WWOX: variants seen among roughly 807,000 people sequenced by gnomAD.
WWOX encodes WW domain containing oxidoreductase.
Under a neutral mutation model 46.2 loss-of-function variants are expected in WWOX, and 69 were observed. The observed-to-expected ratio is 1.49, with a 90% CI of 1.23 to 1.82. The LOEUF (loss-of-function observed/expected upper bound fraction) is 1.82. WWOX is among the 40% of genes most tolerant of loss of function. WWOX has a pLI of 0.00. For synonymous variants in WWOX, 359 were observed against 202.6 expected (o/e 1.77, Z -6.56); for missense variants, 919 against 542.6 (o/e 1.69, Z -6.89).
intron 8 of WWOX, among the ~76,000 whole-genome samples, chr16:79,010,167 GTGTT>G (rs2047275005): frequency 6.6e-6 from 1 of 152,218 alleles, no homozygotes; most frequent in African/African-American, 2.4e-5. Context: ...CATGAAACAA[GTGTT>G]TATTTACAAG....
At chr16:79,010,583 G>C (rs893606736) in intron 8 of WWOX, among the ~76,000 whole-genome samples, 1 of 152,106 alleles carries the variant, frequency 6.6e-6, no homozygotes, top group Non-Finnish European at 1.5e-5. Flanking sequence ...ATAAATATAT[G>C]ATAAATAACA....
At chr16:78,688,043 T>A (rs945996160) in intron 8 of WWOX, among the ~76,000 whole-genome samples, 1 of 152,172 alleles carries the variant, frequency 6.6e-6, no homozygotes, top group Non-Finnish European at 1.5e-5. Context: ...AGTAAATAAT[T>A]TTTGAAATCT....
At chr16:78,653,884 A>G (rs1483806091) in intron 8 of WWOX, among the ~76,000 whole-genome samples, 1 of 152,236 alleles carries the variant, frequency 6.6e-6, no homozygotes, top group Admixed American at 6.5e-5. Context: ...GTTGTCTATT[A>G]CATGCAGCAG....
intron 8 of WWOX, among the ~76,000 whole-genome samples, chr16:78,822,709 C>T (rs1457932693): frequency 2.0e-5 from 3 of 152,060 alleles, no homozygotes; most frequent in Admixed American, 2.0e-4. Flanking sequence ...TATGCAACAT[C>T]ATCATTGTTG....
chr16:78,238,661 C>G (rs1230212299), intron 5 of WWOX, among the ~76,000 whole-genome samples: 1 of 151,994 alleles, frequency 6.6e-6, no homozygotes, highest in Non-Finnish European at 1.5e-5. Context: ...CTCTTGTTGC[C>G]CAGGCTGGAG....
At position 78,532,408 on chromosome 16, in the gene WWOX, G is replaced by C; in HGVS notation, c.1056+99656G>C. On this transcript the variant is annotated intron_variant, in intron 8 of 8. Transcript: ENST00000566780. ...AATCCTCATCTTTGAAATGACCATA[G>C]TAAGTTCCTGCCTAGGCTCTCCCCT... Among the ~76,000 whole-genome samples, 2 of 152,076 alleles carry C rather than the reference G, an allele frequency of 1.3e-5. 1 individual carries two copies. The highest frequency in any genetic ancestry group is 2.9e-5 in the Non-Finnish European group (2 of 68,030).
intron 8 of WWOX, among the ~76,000 whole-genome samples, chr16:79,098,170 A>T (rs1235477663): frequency 6.6e-6 from 1 of 152,202 alleles, no homozygotes; most frequent in Non-Finnish European, 1.5e-5. Flanking sequence ...GGAGCTTGAA[A>T]ACACACAGAT....
chr16:78,381,988 C>T (rs1009141216), intron 5 of WWOX, among the ~76,000 whole-genome samples: 18 of 152,172 alleles, frequency 1.2e-4, no homozygotes, highest in Admixed American at 6.5e-5. Context: ...GCCGCAGCCT[C>T]CTGTGTAGCA....
intron 8 of WWOX, among the ~76,000 whole-genome samples, chr16:79,029,990 C>A (rs549637444): frequency 2.6e-5 from 4 of 152,050 alleles, no homozygotes; most frequent in African/African-American, 9.7e-5. Flanking sequence ...GTAAGCCAAC[C>A]GCTATGAACT....
chr16:78,663,865 C>T (rs147140503), intron 8 of WWOX, among the ~76,000 whole-genome samples: 1,555 of 152,140 alleles, frequency 0.01, 9 homozygotes, highest in Non-Finnish European at 0.015. Flanking sequence ...GAAACACACT[C>T]GATGTGTTCA....
At chr16:78,841,227 C>G (rs978135941) in intron 8 of WWOX, among the ~76,000 whole-genome samples, 6 of 152,176 alleles carry the variant, frequency 3.9e-5, no homozygotes, top group Non-Finnish European at 8.8e-5. Context: ...GTGTTTTGTT[C>G]CAGTCTTTTA....
At chr16:78,788,433 C>T (rs527421613) in intron 8 of WWOX, among the ~76,000 whole-genome samples, 14 of 152,150 alleles carry the variant, frequency 9.2e-5, no homozygotes, top group African/African-American at 2.4e-4. Context: ...GTCTTCAGAC[C>T]CTCCCCAGAG....
intron 5 of WWOX, among the ~76,000 whole-genome samples, chr16:78,289,054 G>A (rs531049418): frequency 6.6e-6 from 1 of 152,276 alleles, no homozygotes; most frequent in South Asian, 2.1e-4. Flanking sequence ...AGCTGGTAGA[G>A]CGAGAGTCAG....
At chr16:78,636,709 C>T (rs188012896) in intron 8 of WWOX, among the ~76,000 whole-genome samples, 1 of 152,260 alleles carries the variant, frequency 6.6e-6, no homozygotes, top group East Asian at 1.9e-4. Context: ...TGAACAAAAA[C>T]AGGCAACCTA....
At chr16:79,037,310 T>A (rs576213810) in intron 8 of WWOX, among the ~76,000 whole-genome samples, 2 of 152,268 alleles carry the variant, frequency 1.3e-5, no homozygotes, top group Middle Eastern at 3.4e-3. Flanking sequence ...GGGGCATGGG[T>A]GAAACCAGAA....
At chr16:78,880,738 A>G (rs781659405) in intron 8 of WWOX, among the ~76,000 whole-genome samples, 27 of 152,212 alleles carry the variant, frequency 1.8e-4, no homozygotes, top group Non-Finnish European at 3.8e-4. Flanking sequence ...ATTTTTTGAC[A>G]ACACTACCTT....
chr16:78,262,912 G>A (rs2079277043), intron 5 of WWOX, among the ~76,000 whole-genome samples: 1 of 152,198 alleles, frequency 6.6e-6, no homozygotes, highest in Non-Finnish European at 1.5e-5. Flanking sequence ...AGCATTCCCT[G>A]AGGGCTTTGA....
intron 8 of WWOX, among the ~76,000 whole-genome samples, chr16:79,008,847 A>G (rs1439961481): frequency 6.6e-6 from 1 of 152,078 alleles, no homozygotes. Context: ...GGCCCCGATC[A>G]GGTGGCAGGG....
chr16:79,198,327 CTG>C (rs1445751542), intron 8 of WWOX, among the ~76,000 whole-genome samples: 8 of 151,988 alleles, frequency 5.3e-5, no homozygotes, highest in African/African-American at 1.9e-4. Context: ...GAGAGACAGA[CTG>C]TCTCAAAAAA....
Sources: gnomAD v4.1 joint callset for allele counts (sites outside exome capture counted in the v4.1 genomes callset) on GRCh38, gnomAD v4.1.1 for gene constraint, MANE v1.5 for transcripts, NCBI Gene and HGNC (gene_info 2026-07-23, HGNC 2026-07-21) for gene names.